The following DHX37 variants were observed in gnomAD, a reference collection of about 807,000 sequenced individuals.
The protein encoded by DHX37 is probable ATP-dependent RNA helicase DHX37.
A neutral mutation model predicts 134.3 loss-of-function variants in DHX37; 52 were observed. The ratio of observed to expected loss-of-function variants is 0.39; its 90% CI spans 0.31 to 0.49. The LOEUF (loss-of-function observed/expected upper bound fraction) is 0.49. Ranked by LOEUF, DHX37 falls within the 20% of genes least tolerant of loss-of-function variation. The pLI is 0.93. For missense variants in DHX37, 1,344 were observed against 1,580.8 expected (o/e 0.85, Z 2.54); for synonymous variants, 634 against 670.7 (o/e 0.95, Z 0.85).
intron 16 of DHX37, among the ~76,000 whole-genome samples, chr12:124,958,581 T>C (rs35201586): frequency 0.16 from 23,707 of 152,108 alleles, 4,700 homozygotes; most frequent in African/African-American, 0.47. Context: ...TAACCTGAGG[T>C]CACACGTGCT....
At chr12:124,973,155 C>T (rs1019180628) in intron 6 of DHX37, among the ~76,000 whole-genome samples, 6 of 151,786 alleles carry the variant, frequency 4.0e-5, no homozygotes, top group South Asian at 2.1e-4. Flanking sequence ...AAATGGCTCA[C>T]GCCTGTAATC....
intron 6 of DHX37, among the ~76,000 whole-genome samples, chr12:124,974,422 C>T (rs1309542455): frequency 6.6e-6 from 1 of 151,738 alleles, no homozygotes; most frequent in African/African-American, 2.4e-5. Context: ...AAGGGGCCCC[C>T]AGTACTCCAT....
rs556569669 is a variant in DHX37 at position 124,982,736 on chromosome 12, G to C, written c.277-113C>G. ...ATTAACACCTGGAGTCTTTAAAATC[G>C]GCGGTCAAATTGCAATTCTACTGGT... On this transcript the variant is annotated intron_variant, in intron 2 of 26. Coordinates refer to ENST00000308736, the MANE Select transcript of DHX37 (RefSeq NM_032656.4). 5 of 1,438,920 alleles carry C rather than the reference G, an allele frequency of 3.5e-6. No individual in the cohort carries two copies. The African/African-American group carries it at 7.1e-5, about 20-fold the overall frequency. 89.1% of individuals were successfully genotyped at this position (1,438,920 alleles called of 1,614,324 possible).
chr12:124,974,244 G>A (rs905798455), intron 6 of DHX37, among the ~76,000 whole-genome samples: 2 of 151,666 alleles, frequency 1.3e-5, no homozygotes, highest in African/African-American at 2.4e-5. Context: ...GTGAGCCACC[G>A]CACCCGGCCA....
rs759290130 is a variant in DHX37 at position 124,988,986 on chromosome 12, G to T, written c.37C>A (p.Arg13Ser). Residue 13 changes from arginine (R) to serine (S), a missense_variant, in exon 1 of 27, where the codon CGC becomes AGC. By Grantham distance (110) the Arg-to-Ser change is moderately radical (BLOSUM62 -1). Coordinates refer to ENST00000308736, the MANE Select transcript of DHX37 (RefSeq NM_032656.4). ...GAGGGTCCGGGGCCCGCCTGCTGGC[G>T]CCCCTTGATGTTGTAGCGCCGGCGC... ...KLRRRYNIKG[R>S]QQAGPGPSKG... is the part of the protein sequence containing the mutation. 10 of 1,361,080 alleles carry T rather than the reference G, an allele frequency of 7.3e-6. No homozygotes were observed. Among genetic ancestry groups the T allele is most frequent in the Non-Finnish European group, 8.6e-6 (9 of 1,048,570 alleles). The allele number at this position is 1,361,080 out of a possible 1,614,324, so 84.3% of individuals were successfully genotyped here. A position where few individuals can be genotyped will look rare whatever the true frequency, so the allele number is the denominator to read the frequency against.
chr12:124,973,399 G>A (rs577075897), intron 6 of DHX37, among the ~76,000 whole-genome samples: 151 of 149,088 alleles, frequency 1.0e-3, no homozygotes, highest in African/African-American at 3.6e-3. Context: ...GTGAAACTCC[G>A]TCTCAAAAAA....
rs547365482 is a variant in DHX37, at chr12:124,962,217, A to T, written c.2046-1794T>A. 1.2e-4 allele frequency among the ~76,000 whole-genome samples: 18 copies of T among 152,104 alleles called. 1 individual carries two copies. Among genetic ancestry groups the T allele is most frequent in the Middle Eastern group, 3.4e-3 (1 of 294 alleles). ...AGTGAGACTTTGTCTCTCAAAAAAAACCCCAGCAAAACAAAAATATTAAAA... is the reference window on the plus strand; with the variant it reads ...AGTGAGACTTTGTCTCTCAAAAAAATCCCCAGCAAAACAAAAATATTAAAA... On this transcript the variant is annotated intron_variant, in intron 15 of 26. Transcript: ENST00000308736.
At chr12:124,960,032 C>T (rs1208238913) in intron 16 of DHX37, among the ~76,000 whole-genome samples, 4 of 152,332 alleles carry the variant, frequency 2.6e-5, no homozygotes, top group Middle Eastern at 3.4e-3. Flanking sequence ...GCCGGCAGCA[C>T]GTTCTGCACG....
Position 124,947,635 on chromosome 12 carries a change from C to T in DHX37, c.*167G>A, listed in dbSNP as rs1248311447. 1.2e-6 allele frequency: 1 copy of T among 868,274 alleles called. No individual in the cohort carries two copies. The highest frequency in any genetic ancestry group is 2.7e-5 in the East Asian group (1 of 36,728). The allele number at this position is 868,274 out of a possible 1,614,324, so 53.8% of individuals were successfully genotyped here. ...GGCCAGATGGCACGGGCGGCAGCAC[C>T]CTTCATACGGGATCGAGCTCTCATG... On this transcript the variant is annotated 3_prime_UTR_variant, in exon 27 of 27. Transcript: ENST00000308736.
intron 18 of DHX37, among the ~76,000 whole-genome samples, chr12:124,954,754 G>A (rs1191484856): frequency 6.6e-6 from 1 of 152,128 alleles, no homozygotes. Context: ...AGCTGCCAAG[G>A]GTGGACTGAA....
rs957865756 is a variant in DHX37 at position 124,949,450 on chromosome 12, C to T, written c.3290+536G>A. On this transcript the variant is annotated intron_variant, in intron 25 of 26. Coordinates refer to ENST00000308736, the MANE Select transcript of DHX37 (RefSeq NM_032656.4). The surrounding 1 kb of genome is among the most constrained non-coding windows in gnomAD (Gnocchi z 4.0). ...TGAGCCCTGAAGCAGAGGTGGTGGGCGGGATGGGGCAGGGGTCTGCTTAGC... is the reference window on the plus strand; with the variant it reads ...TGAGCCCTGAAGCAGAGGTGGTGGGTGGGATGGGGCAGGGGTCTGCTTAGC... 3.5e-5 allele frequency among the ~76,000 whole-genome samples: 5 copies of T among 143,932 alleles called. No homozygotes were observed. The highest frequency in any genetic ancestry group is 2.5e-4 in the South Asian group (1 of 4,008). 94.4% of individuals were successfully genotyped at this position (143,932 alleles called of 152,430 possible).
chr12:124,988,249 C>T (rs957570486), intron 1 of DHX37, among the ~76,000 whole-genome samples: 1 of 151,996 alleles, frequency 6.6e-6, no homozygotes, highest in African/African-American at 2.4e-5. Flanking sequence ...CTGCCCTGGC[C>T]CCCTGTTTTT....
At chr12:124,952,074 G>A (rs1953986905) in intron 21 of DHX37, among the ~76,000 whole-genome samples, 1 of 152,158 alleles carries the variant, frequency 6.6e-6, no homozygotes, top group Non-Finnish European at 1.5e-5. Flanking sequence ...TTGTGCCTGG[G>A]AATTCGAGGC....
chr12:124,957,161 G>C (rs755509556), intron 16 of DHX37, 26 bp from the exon 17 acceptor site: 1 of 1,478,092 alleles, frequency 6.8e-7, no homozygotes, highest in Non-Finnish European at 9.0e-7. Flanking sequence ...ACGTGGCAGG[G>C]ACAGGGTGAA....
intron 6 of DHX37, 40 bp downstream of exon 6, chr12:124,975,379 G>A (rs1483530523): frequency 5.0e-6 from 8 of 1,603,224 alleles, no homozygotes; most frequent in South Asian, 2.2e-5. Flanking sequence ...AAGGCCACAG[G>A]ACCACCCCAT....
At chr12:124,966,977 C>T (rs1954402642) in intron 11 of DHX37, 99 bp from the exon 12 acceptor site, 3 of 1,558,902 alleles carry the variant, frequency 1.9e-6, no homozygotes, top group Admixed American at 3.4e-5. Flanking sequence ...CAGTGGTGGC[C>T]ATTTATTCGG....
intron 2 of DHX37, among the ~76,000 whole-genome samples, chr12:124,984,084 T>C (rs1954813559): frequency 6.6e-6 from 1 of 152,194 alleles, no homozygotes; most frequent in Non-Finnish European, 1.5e-5. Context: ...CCAGCAGCAC[T>C]CCCAAGTTGT....
At chr12:124,955,522 C>A (rs909850361) in intron 18 of DHX37, among the ~76,000 whole-genome samples, 58 of 152,238 alleles carry the variant, frequency 3.8e-4, no homozygotes, top group African/African-American at 1.4e-3. Flanking sequence ...GTTGGCCAGG[C>A]TGGTCTCAAA....
rs1954515964 is a variant in DHX37 at position 124,971,248 on chromosome 12, G to C, written c.1191+54C>G. ...GTGAAGGAAGCCCAAGCCTCTGACA[G>C]AGCTGGGGGGGGCCTAGGGCTCGGG... On this transcript the variant is annotated intron_variant, in intron 8 of 26. Coordinates refer to ENST00000308736, the MANE Select transcript of DHX37 (RefSeq NM_032656.4). The C allele has an allele frequency of 5.1e-6, 8 of 1,581,930 alleles. No individual in the cohort carries two copies. In the South Asian group the frequency reaches 6.8e-5, roughly 13 times the overall value.
Sources: gnomAD v4.1 joint callset for allele counts (sites outside exome capture counted in the v4.1 genomes callset) on GRCh38, gnomAD v4.1.1 for gene constraint, Gnocchi (gnomAD v3.1) non-coding constraint, MANE v1.5 for transcripts, NCBI Gene and HGNC (gene_info 2026-07-23, HGNC 2026-07-21) for gene names.